Variants in ERI3 observed in about 807,000 individuals in gnomAD.
ERI3 encodes the protein ERI1 exoribonuclease family member 3.
A neutral mutation model predicts 44.4 loss-of-function variants in ERI3; 18 were observed. That is an observed-to-expected ratio of 0.41 (90% CI 0.28 to 0.60). The LOEUF is 0.60. Ranked by LOEUF, ERI3 falls within the 20% of genes least tolerant of loss-of-function variation. The probability of loss-of-function intolerance (pLI) is 0.36; values close to 1 mark genes in which losing one functional copy is unlikely to be tolerated. For missense variants in ERI3, 294 were observed against 435.5 expected (o/e 0.68, Z 2.89); for synonymous variants, 183 against 164.8 (o/e 1.11, Z -0.84).
intron 8 of ERI3, among the ~76,000 whole-genome samples, chr1:44,233,217 G>T (rs902032073): frequency 6.6e-6 from 1 of 152,036 alleles, no homozygotes; most frequent in Non-Finnish European, 1.5e-5. Context: ...TTCACCCATA[G>T]TGACAATTTC....
At chr1:44,261,655 C>T (rs1356876744) in intron 7 of ERI3, among the ~76,000 whole-genome samples, 1 of 152,254 alleles carries the variant, frequency 6.6e-6, no homozygotes, top group Non-Finnish European at 1.5e-5. Context: ...ATGCGCTCCG[C>T]TCCGTCCCCA....
Position 44,355,224 on chromosome 1 carries a change from C to T in ERI3, c.-198G>A. ...CCGTTCCCGGCCGCCTGAACAGCGG[C>T]AGCCAGCACCACGAGTCCACAACAC... On this transcript the variant is annotated 5_prime_UTR_variant, in exon 1 of 9. Transcript: ENST00000372257. 8.4e-7 allele frequency: 1 copy of T among 1,185,440 alleles called. No homozygotes were observed. The highest frequency in any genetic ancestry group is 1.0e-6 in the Non-Finnish European group (1 of 958,300). The allele number at this position is 1,185,440 out of a possible 1,614,324, so 73.4% of individuals were successfully genotyped here.
intron 6 of ERI3, among the ~76,000 whole-genome samples, chr1:44,295,867 CT>C (rs201579460): frequency 0.012 from 1,757 of 152,308 alleles, 22 homozygotes; most frequent in Middle Eastern, 0.041. Flanking sequence ...TGTTCATCAG[CT>C]GAGCATTCAA....
At chr1:44,253,488 G>A (rs1203093104) in intron 7 of ERI3, among the ~76,000 whole-genome samples, 4 of 152,288 alleles carry the variant, frequency 2.6e-5, no homozygotes, top group Non-Finnish European at 4.4e-5. Flanking sequence ...CCTTTTCCAG[G>A]TTCAGCCTAA....
intron 2 of ERI3, among the ~76,000 whole-genome samples, chr1:44,343,139 AC>A (rs1646718267): frequency 6.6e-6 from 1 of 151,886 alleles, no homozygotes; most frequent in Admixed American, 6.6e-5. Flanking sequence ...GCAAGGAAAC[AC>A]CCAAATAATG....
chr1:44,319,641 G>T lies in ERI3; in HGVS notation c.593C>A (p.Pro198Gln), dbSNP rs1646160160. The change falls in exon 4 of 9, where the codon CCA becomes CAA. Residue 198 changes from proline to glutamine, a missense_variant. Physicochemically the swap from Pro to Gln is moderately conservative, Grantham distance 76 (BLOSUM62 -1). Transcript: ENST00000372257. ...CAGGGCCCTTACCTCTGTACAGAAT[G>T]GGGTAAGCTGTGGATGGACTACAGG... ...VQPVVHPQLT[P>Q]FCTELTGIIQ... 6.2e-7 allele frequency: 1 copy of T among 1,612,840 alleles called. No homozygotes were observed. Among genetic ancestry groups the T allele is most frequent in the Non-Finnish European group, 8.5e-7 (1 of 1,178,918 alleles).
chr1:44,291,581 G>A (rs1645507743), intron 6 of ERI3, among the ~76,000 whole-genome samples: 4 of 152,114 alleles, frequency 2.6e-5, no homozygotes, highest in Admixed American at 2.6e-4. Context: ...GCGAGGGCTG[G>A]GGATACTATA....
intron 7 of ERI3, among the ~76,000 whole-genome samples, chr1:44,251,043 G>A (rs565944805): frequency 2.0e-4 from 31 of 152,300 alleles, no homozygotes; most frequent in African/African-American, 7.2e-4. Context: ...AGCACCTCAT[G>A]CTCCCCCCAG....
intron 2 of ERI3, among the ~76,000 whole-genome samples, chr1:44,342,672 G>T (rs1335206700): frequency 6.7e-6 from 1 of 149,180 alleles, no homozygotes; most frequent in East Asian, 2.0e-4. Flanking sequence ...TTGAAGACAG[G>T]GTCTTGCTCT....
chr1:44,248,845 C>T (rs1644611628), intron 7 of ERI3, among the ~76,000 whole-genome samples: 1 of 151,988 alleles, frequency 6.6e-6, no homozygotes, highest in South Asian at 2.1e-4. Flanking sequence ...GTGCTGGGGG[C>T]ATCGATCTGC....
At chr1:44,271,680 G>A (rs1314487336) in intron 7 of ERI3, among the ~76,000 whole-genome samples, 1 of 152,122 alleles carries the variant, frequency 6.6e-6, no homozygotes, top group African/African-American at 2.4e-5. Context: ...ACAGCACCTG[G>A]TTTTATTATT....
chr1:44,343,901 C>G (rs745515179), intron 2 of ERI3, among the ~76,000 whole-genome samples: 4 of 152,100 alleles, frequency 2.6e-5, no homozygotes, highest in Non-Finnish European at 4.4e-5. Context: ...GTACTTACAA[C>G]TTTTATGTAA....
Position 44,304,807 on chromosome 1 carries a change from A to T in ERI3, c.758+3503T>A, listed in dbSNP as rs189944407. ...CCAGACCTCCTAAAACCTGAAGTGA[A>T]CTTCAGGTCCACACCTGCAGAGCAC... On this transcript the variant is annotated intron_variant, in intron 6 of 8. Transcript: ENST00000372257. Among the ~76,000 whole-genome samples, 25 of 152,212 alleles carry T rather than the reference A, an allele frequency of 1.6e-4. No homozygotes were observed. The East Asian group carries it at 4.6e-3, about 28-fold the overall frequency.
intron 2 of ERI3, among the ~76,000 whole-genome samples, chr1:44,346,053 C>T (rs1407879159): frequency 6.6e-6 from 1 of 152,210 alleles, no homozygotes; most frequent in East Asian, 1.9e-4. Flanking sequence ...CAAAGCTTGA[C>T]ATGCCCTGGA....
intron 6 of ERI3, among the ~76,000 whole-genome samples, chr1:44,293,326 CT>C (rs1645546715): frequency 6.6e-6 from 1 of 152,220 alleles, no homozygotes; most frequent in African/African-American, 2.4e-5. Flanking sequence ...AAGCCTCTCA[CT>C]TTGTCTTGCC....
intron 6 of ERI3, among the ~76,000 whole-genome samples, chr1:44,287,226 G>A (rs1473048649): frequency 6.6e-6 from 1 of 152,222 alleles, no homozygotes; most frequent in Non-Finnish European, 1.5e-5. Flanking sequence ...AGTGGACTGA[G>A]TGTGGGAGGC....
At chr1:44,238,780 G>C (rs966416387) in intron 8 of ERI3, among the ~76,000 whole-genome samples, 12 of 151,936 alleles carry the variant, frequency 7.9e-5, no homozygotes, top group Non-Finnish European at 2.9e-5. Context: ...GGGCTGAAAG[G>C]AAAAGGAAGT....
At chr1:44,264,548 C>T (rs1019895125) in intron 7 of ERI3, among the ~76,000 whole-genome samples, 2 of 152,208 alleles carry the variant, frequency 1.3e-5, no homozygotes, top group Admixed American at 1.3e-4. Flanking sequence ...CCAGGCTGGA[C>T]GGCGCGTGCA....
chr1:44,226,289 A>C (rs1174839579), intron 8 of ERI3, among the ~76,000 whole-genome samples: 1 of 152,094 alleles, frequency 6.6e-6, no homozygotes, highest in Non-Finnish European at 1.5e-5. Flanking sequence ...AAGAACCTAA[A>C]TGCTAAACTA....
Sources: allele counts gnomAD v4.1 joint callset (sites outside exome capture counted in the v4.1 genomes callset), GRCh38; gene constraint gnomAD v4.1.1; transcripts MANE v1.5; gene names NCBI Gene and HGNC (gene_info 2026-07-23, HGNC 2026-07-21).